The following PTPN21 variants were observed in gnomAD, a reference collection of about 807,000 sequenced individuals.
PTPN21 encodes protein tyrosine phosphatase non-receptor type 21.
In PTPN21, 77 loss-of-function variants were observed where a neutral mutation model predicts 131.8. The observed-to-expected ratio is 0.58, with a 90% confidence interval of 0.49 to 0.71. The LOEUF is 0.71. Among genes scored for constraint, PTPN21 ranks in the 30% least tolerant of loss-of-function variants. The pLI is 0.00. For synonymous variants in PTPN21, 715 were observed against 621.3 expected (o/e 1.15, Z -2.24); for missense variants, 1,552 against 1,527.1 (o/e 1.02, Z -0.27).
intron 4 of PTPN21, among the ~76,000 whole-genome samples, chr14:88,505,697 A>C (rs946342351): frequency 6.6e-6 from 1 of 152,222 alleles, no homozygotes; most frequent in African/African-American, 2.4e-5. Flanking sequence ...GAAAATGTCA[A>C]GGAGAAACCA....
chr14:88,507,897 T>C (rs752915239), intron 4 of PTPN21, 26 bp downstream of exon 4: 4 of 1,415,858 alleles, frequency 2.8e-6, no homozygotes, highest in Non-Finnish European at 3.9e-6. Flanking sequence ...GATAGAACCA[T>C]TTCATTATGA....
chr14:88,470,948 A>G (rs562623340), intron 15 of PTPN21, among the ~76,000 whole-genome samples: 4 of 152,316 alleles, frequency 2.6e-5, no homozygotes, highest in Admixed American at 2.6e-4. Flanking sequence ...CAGGTCTATC[A>G]AATTCTTTCC....
In PTPN21 at chr14:88,466,512, A is replaced by T. The variant is rs1471558588; in HGVS notation, c.*1625T>A. The T allele has an allele frequency of 6.6e-6, 1 of 152,224 alleles. No individual in the cohort carries two copies. Among genetic ancestry groups the T allele is most frequent in the Non-Finnish European group, 1.5e-5 (1 of 68,040 alleles). The allele number at this position is 152,224 out of a possible 1,614,324, so 9.4% of individuals were successfully genotyped here. On this transcript the variant is annotated 3_prime_UTR_variant, in exon 19 of 19. Coordinates refer to ENST00000556564, the MANE Select transcript of PTPN21 (RefSeq NM_007039.4). ...TCAAAATGATGCCTAGAATAGTGTA[A>T]TTTGGGAAACAGCCCTAGATTTGAC... is the stretch of plus-strand genomic sequence containing the variant.
intron 2 of PTPN21, among the ~76,000 whole-genome samples, chr14:88,526,324 C>G (rs1464720255): frequency 6.6e-6 from 1 of 151,794 alleles, no homozygotes; most frequent in Non-Finnish European, 1.5e-5. Flanking sequence ...CTGAGGCAGG[C>G]AGATCATGAG....
At chr14:88,538,024 T>G (rs2139350148) in intron 2 of PTPN21, among the ~76,000 whole-genome samples, 1 of 152,288 alleles carries the variant, frequency 6.6e-6, no homozygotes, top group South Asian at 2.1e-4. Flanking sequence ...TGACCAAAAA[T>G]GTGATATGCA....
intron 2 of PTPN21, among the ~76,000 whole-genome samples, chr14:88,540,650 T>A (rs987679588): frequency 1.3e-5 from 2 of 152,182 alleles, no homozygotes; most frequent in African/African-American, 4.8e-5. Flanking sequence ...AACTGTAACA[T>A]AACAAGTTGT....
chr14:88,513,247 C>T (rs1003395570), intron 3 of PTPN21, among the ~76,000 whole-genome samples: 18 of 152,200 alleles, frequency 1.2e-4, no homozygotes, highest in African/African-American at 4.3e-4. Context: ...TCACTGCAAC[C>T]TCCGCCTCCC....
intron 10 of PTPN21, among the ~76,000 whole-genome samples, chr14:88,486,977 CAA>C (rs1198956976): frequency 3.7e-5 from 2 of 54,608 alleles, no homozygotes; most frequent in Non-Finnish European, 4.0e-5. Flanking sequence ...ATTCTAGCCT[CAA>C]AAAAAAAAAA....
intron 10 of PTPN21, among the ~76,000 whole-genome samples, chr14:88,487,718 T>G (rs1248263950): frequency 6.6e-6 from 1 of 152,068 alleles, no homozygotes; most frequent in Non-Finnish European, 1.5e-5. Flanking sequence ...GTGACACAAG[T>G]CTGCATGGCG....
At chr14:88,484,779 T>G (rs1247226437) in intron 12 of PTPN21, among the ~76,000 whole-genome samples, 1 of 152,114 alleles carries the variant, frequency 6.6e-6, no homozygotes, top group Non-Finnish European at 1.5e-5. Context: ...TCCCAGCTAC[T>G]TGGGAAGCTG....
chr14:88,547,781 A>AG (rs1401306795), intron 2 of PTPN21: 1 of 407,824 alleles, frequency 2.5e-6, no homozygotes, highest in Non-Finnish European at 4.9e-6. Flanking sequence ...ATCTACCATG[A>AG]GGGGTCTGCG....
In PTPN21 at chr14:88,472,481, T is replaced by C; in HGVS notation, c.2650-16A>G. 6.6e-7 allele frequency: 1 copy of C among 1,513,992 alleles called. No individual in the cohort carries two copies. Among genetic ancestry groups the C allele is most frequent in the Non-Finnish European group, 9.2e-7 (1 of 1,090,616 alleles). 93.8% of individuals were successfully genotyped at this position (1,513,992 alleles called of 1,614,324 possible). ...GAATTTTACACTATAAAACAGAATA[T>C]GTGTAATAACATGAATACAGCCACA... On this transcript the variant is annotated splice_polypyrimidine_tract_variant and intron_variant, in intron 14 of 18. Transcript: ENST00000556564.
chr14:88,535,315 T>C (rs2078613937), intron 2 of PTPN21, among the ~76,000 whole-genome samples: 1 of 152,184 alleles, frequency 6.6e-6, no homozygotes, highest in Non-Finnish European at 1.5e-5. Flanking sequence ...TCTTAGAACA[T>C]TTCCCTGTCC....
chr14:88,544,884 G>C (rs1475691516), intron 2 of PTPN21, among the ~76,000 whole-genome samples: 3 of 152,020 alleles, frequency 2.0e-5, no homozygotes, highest in Non-Finnish European at 4.4e-5. Context: ...CTGGAGTACA[G>C]TGGCGCAGTC....
intron 10 of PTPN21, among the ~76,000 whole-genome samples, chr14:88,491,635 TA>T (rs200848565): frequency 0.024 from 3,606 of 152,328 alleles, 54 homozygotes; most frequent in Non-Finnish European, 0.036. Context: ...AGCAAAATTT[TA>T]AAAGCTAATA....
chr14:88,491,139 T>C (rs2077817490), intron 10 of PTPN21, among the ~76,000 whole-genome samples: 1 of 152,226 alleles, frequency 6.6e-6, no homozygotes, highest in South Asian at 2.1e-4. Flanking sequence ...AAAAGACAGA[T>C]TGTTATCCAT....
At chr14:88,496,592 G>T in intron 9 of PTPN21, 100 bp from the exon 10 acceptor site, 1 of 901,440 alleles carries the variant, frequency 1.1e-6, no homozygotes, top group South Asian at 1.4e-5. Flanking sequence ...GACATCATAT[G>T]ACAAAGTCAC....
At position 88,528,574 on chromosome 14, in the gene PTPN21, A is replaced by T. The variant is rs1328490825; in HGVS notation, c.181-11313T>A. Among the ~76,000 whole-genome samples, 3 of 152,204 alleles carry T rather than the reference A, an allele frequency of 2.0e-5. 1 individual carries two copies. The highest frequency in any genetic ancestry group is 3.9e-4 in the East Asian group (2 of 5,186). The stretch of plus-strand genomic sequence containing the variant: ...TCATCTTGAATTCCCACGTTGTGGG[A>T]GGGACCTGGTGGGAGGTAACTGAAT... On this transcript the variant is annotated intron_variant, in intron 2 of 18. Coordinates refer to ENST00000556564, the MANE Select transcript of PTPN21 (RefSeq NM_007039.4).
At chr14:88,487,960 C>CT (rs2140111725) in intron 10 of PTPN21, among the ~76,000 whole-genome samples, 1 of 91,550 alleles carries the variant, frequency 1.1e-5, no homozygotes, top group East Asian at 3.3e-4. Context: ...AGTGAGACTC[C>CT]ATCTCAAAAA....
Sources: allele counts gnomAD v4.1 joint callset (sites outside exome capture counted in the v4.1 genomes callset), GRCh38; gene constraint gnomAD v4.1.1; transcripts MANE v1.5; gene names NCBI Gene and HGNC (gene_info 2026-07-23, HGNC 2026-07-21).